KCND2: variants seen among roughly 807,000 people sequenced by gnomAD.
KCND2 encodes A-type voltage-gated potassium channel KCND2.
KCND2 carries 16 observed loss-of-function variants against 54.4 expected under a neutral mutation model. The observed-to-expected ratio is 0.29, with a 90% CI of 0.20 to 0.45. The LOEUF is 0.45. KCND2 is among the 20% of genes least tolerant of loss of function. The pLI is 1.00. For synonymous variants in KCND2, 317 were observed against 310.7 expected, an observed-to-expected ratio of 1.02 and a Z score of -0.21; for missense variants, 486 against 824.2, an observed-to-expected ratio of 0.59 and a Z score of 5.02.
chr7:120,408,967 A>G (rs1334828234), intron 1 of KCND2, among the ~76,000 whole-genome samples: 1 of 151,978 alleles, frequency 6.6e-6, no homozygotes, highest in Non-Finnish European at 1.5e-5. Context: ...TGATATGTCA[A>G]GTATTACTCT....
chr7:120,641,852 G>T (rs550446520), intron 1 of KCND2, among the ~76,000 whole-genome samples: 20 of 116,282 alleles, frequency 1.7e-4, no homozygotes, highest in African/African-American at 6.4e-4. Flanking sequence ...AGCATAAAAA[G>T]ATAATAAAAA....
chr7:120,493,417 A>G (rs1802810973), intron 1 of KCND2, among the ~76,000 whole-genome samples: 1 of 152,040 alleles, frequency 6.6e-6, no homozygotes, highest in Non-Finnish European at 1.5e-5. Flanking sequence ...GGATATAACA[A>G]CGAAGAAAGT....
At chr7:120,547,685 A>G (rs1010282591) in intron 1 of KCND2, among the ~76,000 whole-genome samples, 2 of 152,046 alleles carry the variant, frequency 1.3e-5, no homozygotes. Context: ...ACTCTAGGCA[A>G]CTAAGAATGA....
chr7:120,484,701 GCACACA>G (rs3067134), intron 1 of KCND2, among the ~76,000 whole-genome samples: 3,892 of 137,584 alleles, frequency 0.028, 180 homozygotes, highest in African/African-American at 0.09. Context: ...TATATTACAC[GCACACA>G]CACACACACA....
intron 1 of KCND2, among the ~76,000 whole-genome samples, chr7:120,697,934 T>C (rs1792351337): frequency 6.6e-6 from 1 of 152,134 alleles, no homozygotes; most frequent in Admixed American, 6.6e-5. Context: ...ACTATATGTA[T>C]TTCTTTTAAA....
At chr7:120,743,504 T>C (rs1792966847) in intron 4 of KCND2, among the ~76,000 whole-genome samples, 1 of 152,120 alleles carries the variant, frequency 6.6e-6, no homozygotes, top group African/African-American at 2.4e-5. Flanking sequence ...GACAGGGCTG[T>C]TACTGGAAAA....
At chr7:120,309,474 TACACACACACACACACACACACACACAC>T (rs1209573900) in intron 1 of KCND2, among the ~76,000 whole-genome samples, 50 of 113,232 alleles carry the variant, frequency 4.4e-4, no homozygotes, top group Middle Eastern at 4.5e-3. Flanking sequence ...TATATATATA[TACACACACACACACACACACACACACAC>T]ATATGTATGT....
intron 1 of KCND2, among the ~76,000 whole-genome samples, chr7:120,464,472 G>T (rs1266582729): frequency 6.6e-6 from 1 of 152,068 alleles, no homozygotes. Context: ...GTTGGAGCAG[G>T]CTTAGTGTAT....
chr7:120,348,589 TCAC>T (rs1399676584), intron 1 of KCND2, among the ~76,000 whole-genome samples: 1 of 152,172 alleles, frequency 6.6e-6, no homozygotes, highest in Non-Finnish European at 1.5e-5. Flanking sequence ...AAATAGGGAT[TCAC>T]ATAGTCAAAT....
intron 1 of KCND2, among the ~76,000 whole-genome samples, chr7:120,728,051 T>C (rs1420261794): frequency 6.7e-6 from 1 of 149,854 alleles, no homozygotes; most frequent in Non-Finnish European, 1.5e-5. Flanking sequence ...CGAGAATCGC[T>C]TGAACCCAGG....
intron 1 of KCND2, among the ~76,000 whole-genome samples, chr7:120,472,672 T>C (rs188159105): frequency 6.6e-6 from 1 of 152,114 alleles, no homozygotes; most frequent in African/African-American, 2.4e-5. Flanking sequence ...TGGAGTCTTA[T>C]GAAACACTCA....
chr7:120,670,849 GA>G (rs1337574186), intron 1 of KCND2, among the ~76,000 whole-genome samples: 2 of 150,932 alleles, frequency 1.3e-5, no homozygotes, highest in Non-Finnish European at 3.0e-5. Flanking sequence ...TTGGGAGGCG[GA>G]GCTTGCAGTG....
intron 1 of KCND2, among the ~76,000 whole-genome samples, chr7:120,701,972 C>T (rs1792408080): frequency 6.6e-6 from 1 of 152,056 alleles, no homozygotes; most frequent in South Asian, 2.1e-4. Flanking sequence ...TTTAATTGAA[C>T]TAATCTTCTG....
At chr7:120,415,143 A>G (rs1801507302) in intron 1 of KCND2, among the ~76,000 whole-genome samples, 1 of 152,188 alleles carries the variant, frequency 6.6e-6, no homozygotes, top group South Asian at 2.1e-4. Flanking sequence ...AGGACTATCA[A>G]CATTGCCATG....
chr7:120,369,106 A>G (rs1386206398), intron 1 of KCND2, among the ~76,000 whole-genome samples: 1 of 151,972 alleles, frequency 6.6e-6, no homozygotes, highest in Non-Finnish European at 1.5e-5. Flanking sequence ...TTAGAGTTTG[A>G]AAGTTAACAA....
At chr7:120,645,200 G>A (rs561262409) in intron 1 of KCND2, among the ~76,000 whole-genome samples, 24 of 152,306 alleles carry the variant, frequency 1.6e-4, no homozygotes, top group African/African-American at 4.6e-4. Context: ...AAAAGCCTGC[G>A]TATAAGCCGG....
rs1222419601 is a variant in KCND2 at position 120,274,270 on chromosome 7, C to A, written c.-363C>A. On this transcript the variant is annotated 5_prime_UTR_variant, in exon 1 of 6. Transcript: ENST00000331113. ...ACTCCACATACTGACCCTATATTAT[C>A]CAGACTGTGCCGGGGAGAAATCAAA... 1 of 392,288 alleles carries A rather than the reference C, an allele frequency of 2.5e-6. No individual in the cohort carries two copies. The highest frequency in any genetic ancestry group is 4.7e-6 in the Non-Finnish European group (1 of 211,336). 24.3% of individuals were successfully genotyped at this position (392,288 alleles called of 1,614,324 possible).
chr7:120,310,213 A>G (rs1799717231), intron 1 of KCND2, among the ~76,000 whole-genome samples: 2 of 152,318 alleles, frequency 1.3e-5, no homozygotes, highest in Admixed American at 6.5e-5. Flanking sequence ...CTTTAAAAAT[A>G]TGTAAATAAA....
At chr7:120,537,075 C>T (rs1216698174) in intron 1 of KCND2, among the ~76,000 whole-genome samples, 1 of 152,082 alleles carries the variant, frequency 6.6e-6, no homozygotes, top group Non-Finnish European at 1.5e-5. Flanking sequence ...CTCTCTATGT[C>T]AGCTATAACT....
Sources: gnomAD v4.1 joint callset for allele counts (sites outside exome capture counted in the v4.1 genomes callset) on GRCh38, gnomAD v4.1.1 for gene constraint, MANE v1.5 for transcripts, NCBI Gene and HGNC (gene_info 2026-07-23, HGNC 2026-07-21) for gene names.